TIAL1: variants seen among roughly 807,000 people sequenced by gnomAD.
TIAL1 encodes the protein TIA1 cytotoxic granule associated RNA binding protein like 1, also known as nucleolysin TIAR.
Under a neutral mutation model 59.7 loss-of-function variants are expected in TIAL1, and 7 were observed. The observed-to-expected ratio is 0.12, with a 90% CI of 0.07 to 0.22. TIAL1 has a LOEUF of 0.22. Ranked by LOEUF, TIAL1 falls within the 10% of genes least tolerant of loss-of-function variation. The pLI is 1.00. For missense variants in TIAL1, 225 were observed against 462.5 expected (o/e 0.49, Z 4.71); for synonymous variants, 149 against 146.3 (o/e 1.02, Z -0.13).
At chr10:119,588,029 T>A (rs1845658618) in intron 2 of TIAL1, 123 bp downstream of exon 2, 1 of 534,276 alleles carries the variant, frequency 1.9e-6, no homozygotes, top group Non-Finnish European at 3.0e-6. Context: ...CAAATCAAAG[T>A]AATAAGTCAA....
intron 1 of TIAL1, among the ~76,000 whole-genome samples, chr10:119,594,592 C>T (rs1846058293): frequency 6.6e-6 from 1 of 152,066 alleles, no homozygotes; most frequent in Admixed American, 6.6e-5. Flanking sequence ...AACTCAACAC[C>T]AAGTCTTGGC....
chr10:119,592,232 G>A (rs548946784), intron 1 of TIAL1: 6 of 152,186 alleles, frequency 3.9e-5, no homozygotes, highest in South Asian at 2.1e-4. Context: ...TTAACTCAAC[G>A]AAAAAATTCA....
chr10:119,594,825 G>A (rs1051813922), intron 1 of TIAL1, among the ~76,000 whole-genome samples: 3 of 152,214 alleles, frequency 2.0e-5, no homozygotes, highest in Admixed American at 6.5e-5. Context: ...GAGTTTCACC[G>A]TGTTGGCCAG....
chr10:119,579,642 C>G (rs1445163405), intron 6 of TIAL1, among the ~76,000 whole-genome samples: 1 of 152,184 alleles, frequency 6.6e-6, no homozygotes, highest in Non-Finnish European at 1.5e-5. Context: ...CTCAGATTAG[C>G]TCATCTGTCC....
intron 2 of TIAL1, among the ~76,000 whole-genome samples, chr10:119,585,385 G>A (rs1480903365): frequency 6.6e-6 from 1 of 151,664 alleles, no homozygotes; most frequent in Non-Finnish European, 1.5e-5. Context: ...AGGAGGTGGA[G>A]GCTGCAGTGA....
intron 5 of TIAL1, chr10:119,581,613 G>C (rs1398146400): frequency 4.7e-6 from 1 of 212,930 alleles, no homozygotes; most frequent in African/African-American, 2.3e-5. Flanking sequence ...GAAAACATAT[G>C]ACAAAAAGCT....
At position 119,574,790 on chromosome 10, in the gene TIAL1, G is replaced by A. The variant is rs750012803; in HGVS notation, c.*875C>T. 6.6e-6 allele frequency: 1 copy of A among 152,578 alleles called. No individual in the cohort carries two copies. The highest frequency in any genetic ancestry group is 2.4e-5 in the African/African-American group (1 of 41,444). The allele number at this position is 152,578 out of a possible 1,614,324, so 9.5% of individuals were successfully genotyped here. On this transcript the variant is annotated 3_prime_UTR_variant, in exon 12 of 12. Transcript: ENST00000436547. ...TCCACTGCATTCAATGCAGCGGAGT[G>A]TGTTAAGTGTTACTTCAAATAATTA...
intron 5 of TIAL1, 145 bp downstream of exon 5, chr10:119,581,776 CA>C: frequency 1.5e-6 from 1 of 666,976 alleles, no homozygotes. Context: ...ATCCACTACT[CA>C]AAACAAACCA....
Position 119,582,353 on chromosome 10 carries a change from C to G in TIAL1, c.228+106G>C. 1 of 1,471,070 alleles carries G rather than the reference C, an allele frequency of 6.8e-7. No individual in the cohort carries two copies. The highest frequency in any genetic ancestry group is 9.1e-7 in the Non-Finnish European group (1 of 1,097,650). The allele number at this position is 1,471,070 out of a possible 1,614,324, so 91.1% of individuals were successfully genotyped here. A position where few individuals can be genotyped will look rare whatever the true frequency, so the allele number is the denominator to read the frequency against. On this transcript the variant is annotated intron_variant, in intron 3 of 11. Coordinates refer to ENST00000436547, the MANE Select transcript of TIAL1 (RefSeq NM_003252.4). This position sits in a 1 kb window ranked among gnomAD's most constrained non-coding sequence, Gnocchi z 5.1. ...ACTAAGCTGAATAAAGCAAAACCAT[C>G]ACTCAGCAGCCGAATATCTGCTCAA...
intron 2 of TIAL1, among the ~76,000 whole-genome samples, chr10:119,586,099 G>C (rs1038798512): frequency 5.9e-5 from 9 of 152,008 alleles, no homozygotes; most frequent in African/African-American, 7.3e-5. Flanking sequence ...CTTCAGCACC[G>C]GTCTCTCTAG....
intron 1 of TIAL1, 54 bp downstream of exon 1, chr10:119,596,380 T>A: frequency 6.2e-7 from 1 of 1,605,220 alleles, no homozygotes; most frequent in East Asian, 2.2e-5. Context: ...TCCCTTAGCG[T>A]CCCGCGGTGC....
chr10:119,591,731 T>C (rs932795971), intron 1 of TIAL1, among the ~76,000 whole-genome samples: 5 of 152,338 alleles, frequency 3.3e-5, no homozygotes, highest in African/African-American at 9.6e-5. Flanking sequence ...TGATTCACTA[T>C]ATAATTTCAC....
chr10:119,577,307 T>C (rs1845050303), intron 9 of TIAL1, 104 bp from the exon 10 acceptor site: 1 of 1,467,686 alleles, frequency 6.8e-7, no homozygotes, highest in Admixed American at 2.6e-5. Flanking sequence ...TGGTATTTTT[T>C]TTCTAAAGTA....
Position 119,596,448 on chromosome 10 carries a change from C to T in TIAL1, c.18G>A (p.Gly6=). 1 of 1,594,494 alleles carries T rather than the reference C, an allele frequency of 6.3e-7. No homozygotes were observed. The highest frequency in any genetic ancestry group is 8.6e-7 in the Non-Finnish European group (1 of 1,169,416). The part of the protein sequence containing the change: MMEDD[G]QPRTLYVGNL... ...CGGGTACTCACAGAGTCCGGGGCTG[C>T]CCGTCGTCTTCCATCATGGTGGGTG... Residue 6 remains glycine (G), a synonymous_variant, in exon 1 of 12, where the codon GGG becomes GGA. Coordinates refer to ENST00000436547, the MANE Select transcript of TIAL1 (RefSeq NM_003252.4).
In TIAL1 at chr10:119,573,802, T is replaced by C. The variant is rs909998057; in HGVS notation, c.*1863A>G. Reference sequence around the variant, plus strand: ...TATATTTTATAACAGAAGAGTGTAATAGATGACCATTATGGTAAAACTAAG... The same window carrying C: ...TATATTTTATAACAGAAGAGTGTAACAGATGACCATTATGGTAAAACTAAG... On this transcript the variant is annotated 3_prime_UTR_variant, in exon 12 of 12. Transcript: ENST00000436547. 1.3e-5 allele frequency: 2 copies of C among 152,140 alleles called. No individual in the cohort carries two copies. The highest frequency in any genetic ancestry group is 2.1e-4 in the South Asian group (1 of 4,824). The allele number at this position is 152,140 out of a possible 1,614,324, so 9.4% of individuals were successfully genotyped here.
At position 119,577,494 on chromosome 10, in the gene TIAL1, T is replaced by C. The variant is rs1281151355; in HGVS notation, c.694A>G (p.Met232Val). ...TTTTCTGGGAAAACTCTTATTTCCA[T>C]AATTTGTCCAAATGGTGAGAATGTC... ...RQTFSPFGQI[M>V]EIRVFPEKGY... Residue 232 changes from methionine (M) to valine (V), a missense_variant, in exon 9 of 12, where the codon ATG becomes GTG. Physicochemically the swap from Met to Val is conservative, Grantham distance 21. Coordinates refer to ENST00000436547, the MANE Select transcript of TIAL1 (RefSeq NM_003252.4). The C allele has an allele frequency of 6.2e-7, 1 of 1,613,992 alleles. No homozygotes were observed. The highest frequency in any genetic ancestry group is 8.5e-7 in the Non-Finnish European group (1 of 1,179,958).
chr10:119,587,124 C>T (rs776980444), intron 2 of TIAL1, among the ~76,000 whole-genome samples: 1 of 152,216 alleles, frequency 6.6e-6, no homozygotes, highest in East Asian at 1.9e-4. Flanking sequence ...AAGGCCAATG[C>T]ACTTTAAAGG....
chr10:119,590,602 C>T (rs1356041018), intron 1 of TIAL1, among the ~76,000 whole-genome samples: 2 of 151,804 alleles, frequency 1.3e-5, no homozygotes, highest in Non-Finnish European at 2.9e-5. Flanking sequence ...CCCAGCTACT[C>T]GGGAGGCCGA....
chr10:119,581,637 T>A (rs1476496138), intron 5 of TIAL1: 1 of 250,886 alleles, frequency 4.0e-6, no homozygotes, highest in African/African-American at 2.3e-5. Flanking sequence ...CTTTATAAGT[T>A]TTACCATTCA....
Sources: gnomAD v4.1 joint callset for allele counts (sites outside exome capture counted in the v4.1 genomes callset) on GRCh38, gnomAD v4.1.1 for gene constraint, Gnocchi (gnomAD v3.1) non-coding constraint, MANE v1.5 for transcripts, NCBI Gene and HGNC (gene_info 2026-07-23, HGNC 2026-07-21) for gene names.